The following CHST3 variants were observed in gnomAD, a reference collection of about 807,000 sequenced individuals.
CHST3 encodes the protein carbohydrate sulfotransferase 3, also known as C6ST-1.
In CHST3, 20 loss-of-function variants were observed where a neutral mutation model predicts 35.4. The ratio of observed to expected loss-of-function variants is 0.57; its 90% confidence interval spans 0.40 to 0.82. CHST3 has a LOEUF of 0.82. Ranked by LOEUF, CHST3 falls within the 40% of genes least tolerant of loss-of-function variation. CHST3 has a pLI of 0.00. For missense variants in CHST3, 693 were observed against 670.1 expected (o/e 1.03, Z -0.38); for synonymous variants, 334 against 295.9 (o/e 1.13, Z -1.32).
chr10:71,976,235 C>G (rs1839744078), intron 1 of CHST3, among the ~76,000 whole-genome samples: 1 of 152,296 alleles, frequency 6.6e-6, no homozygotes, highest in East Asian at 1.9e-4. Context: ...ACCCAGATGC[C>G]AACACCACCC....
intron 1 of CHST3, among the ~76,000 whole-genome samples, chr10:71,978,226 A>G (rs1309479835): frequency 6.6e-6 from 1 of 152,106 alleles, no homozygotes; most frequent in African/African-American, 2.4e-5. Flanking sequence ...AATTAGCTGG[A>G]CGTGGTGGCA....
chr10:71,985,881 C>T (rs1257948810), intron 1 of CHST3, among the ~76,000 whole-genome samples: 1 of 152,152 alleles, frequency 6.6e-6, no homozygotes, highest in African/African-American at 2.4e-5. Context: ...TCCCTCCTGC[C>T]CCCACCCCTT....
intron 1 of CHST3, among the ~76,000 whole-genome samples, chr10:71,979,202 C>T (rs1839776586): frequency 6.6e-6 from 1 of 152,142 alleles, no homozygotes; most frequent in South Asian, 2.1e-4. Context: ...ACATCCTGGC[C>T]TCAAACCTCC....
intron 1 of CHST3, among the ~76,000 whole-genome samples, chr10:71,977,994 A>T (rs529187981): frequency 6.6e-6 from 1 of 152,230 alleles, no homozygotes; most frequent in African/African-American, 2.4e-5. Flanking sequence ...CCACCTCCTC[A>T]TATTGAACCT....
intron 1 of CHST3, among the ~76,000 whole-genome samples, chr10:71,985,449 C>T (rs976437229): frequency 2.6e-5 from 4 of 152,196 alleles, no homozygotes; most frequent in Non-Finnish European, 4.4e-5. Flanking sequence ...AAAGTCCCCA[C>T]GCTTATCACT....
Position 72,008,167 on chromosome 10 carries a change from T to G in CHST3, c.1136T>G (p.Leu379Arg). The G allele has an allele frequency of 1.9e-6, 3 of 1,548,814 alleles. No homozygotes were observed. Among genetic ancestry groups the G allele is most frequent in the Non-Finnish European group, 1.7e-6 (2 of 1,146,514 alleles). ...TACGAGGACGTGGCACGCGGGCCGC[T>G]GCAGAAGGCCCGCGAGATGTACCGC... Reference protein sequence around the residue: ...VRYEDVARGPLQKAREMYRFA... With the variant: ...VRYEDVARGPRQKAREMYRFA... The change falls in exon 3 of 3, where the codon CTG becomes CGG. Residue 379 changes from leucine to arginine, a missense_variant. Physicochemically the swap from Leu to Arg is moderately radical, Grantham distance 102 (BLOSUM62 -2). Transcript: ENST00000373115.
At chr10:71,993,886 G>A (rs966571551) in intron 1 of CHST3, among the ~76,000 whole-genome samples, 2 of 152,170 alleles carry the variant, frequency 1.3e-5, no homozygotes, top group African/African-American at 2.4e-5. Context: ...GATCACCTGA[G>A]GTCAGGAGTT....
intron 1 of CHST3, among the ~76,000 whole-genome samples, chr10:72,001,530 A>G (rs184545439): frequency 6.6e-6 from 1 of 151,990 alleles, no homozygotes; most frequent in East Asian, 1.9e-4. Flanking sequence ...CTGGGGTACA[A>G]TGGCATGATC....
At chr10:71,968,515 T>G (rs1839654818) in intron 1 of CHST3, among the ~76,000 whole-genome samples, 1 of 152,170 alleles carries the variant, frequency 6.6e-6, no homozygotes, top group South Asian at 2.1e-4. Flanking sequence ...TCAATTTTTG[T>G]TTTTGCTGCA....
chr10:72,002,792 C>T (rs577311869), intron 1 of CHST3, among the ~76,000 whole-genome samples: 8 of 152,314 alleles, frequency 5.3e-5, no homozygotes, highest in East Asian at 3.9e-4. Flanking sequence ...GCATGGGGGA[C>T]GTAGCCCCAC....
intron 1 of CHST3, among the ~76,000 whole-genome samples, chr10:71,970,032 C>T (rs901156245): frequency 6.6e-6 from 1 of 152,250 alleles, no homozygotes; most frequent in Non-Finnish European, 1.5e-5. Flanking sequence ...ACCCTGAGCG[C>T]GTGGACTCCA....
chr10:71,971,045 T>C (rs1042281979), intron 1 of CHST3, among the ~76,000 whole-genome samples: 1 of 152,140 alleles, frequency 6.6e-6, no homozygotes, highest in Non-Finnish European at 1.5e-5. Flanking sequence ...ATTTTCCATC[T>C]CTTAATAACT....
intron 1 of CHST3, among the ~76,000 whole-genome samples, chr10:71,972,870 CA>C (rs943356929): frequency 5.9e-5 from 9 of 152,312 alleles, no homozygotes; most frequent in African/African-American, 2.2e-4. Flanking sequence ...TGGCCCTCCC[CA>C]TGGCTGCCCA....
intron 1 of CHST3, among the ~76,000 whole-genome samples, chr10:71,998,127 C>T (rs767239156): frequency 1.3e-4 from 20 of 152,042 alleles, no homozygotes; most frequent in African/African-American, 2.7e-4. Context: ...TGACAGAGTG[C>T]GACCCTGTCC....
At chr10:72,003,270 G>T (rs7097834) in intron 1 of CHST3, among the ~76,000 whole-genome samples, 55,036 of 152,084 alleles carry the variant, frequency 0.36, 11,349 homozygotes, top group Non-Finnish European at 0.48. Flanking sequence ...GACCATACCT[G>T]CTTGTTCACC....
intron 1 of CHST3, among the ~76,000 whole-genome samples, chr10:71,970,595 G>T (rs1839684050): frequency 6.6e-6 from 1 of 152,190 alleles, no homozygotes. Flanking sequence ...GCTGGGCACA[G>T]GAGGAACATG....
rs561923082 is a variant in CHST3 at position 71,995,457 on chromosome 10, C to T, written c.-107-10279C>T. 2.0e-5 allele frequency among the ~76,000 whole-genome samples: 3 copies of T among 151,756 alleles called. No homozygotes were observed. The South Asian group carries it at 6.2e-4, about 32-fold the overall frequency. ...AAAAAAAAAGAATTTGTCTTTCGCA[C>T]TCACAGCTTGGCTAACTGTTTGGTG... On this transcript the variant is annotated intron_variant, in intron 1 of 2. Transcript: ENST00000373115.
chr10:71,982,524 G>A (rs1006904858), intron 1 of CHST3, among the ~76,000 whole-genome samples: 2 of 152,186 alleles, frequency 1.3e-5, no homozygotes, highest in Non-Finnish European at 2.9e-5. Context: ...AGGCTGCAAC[G>A]GGAGGATCTC....
At chr10:71,999,274 G>A (rs762949947) in intron 1 of CHST3, among the ~76,000 whole-genome samples, 5 of 152,154 alleles carry the variant, frequency 3.3e-5, no homozygotes, top group African/African-American at 1.2e-4. Context: ...CTCCCCTGCC[G>A]CCTCTCTCCA....
Sources: gnomAD v4.1 joint callset for allele counts (sites outside exome capture counted in the v4.1 genomes callset) on GRCh38, gnomAD v4.1.1 for gene constraint, MANE v1.5 for transcripts, NCBI Gene and HGNC (gene_info 2026-07-23, HGNC 2026-07-21) for gene names.